Variants in ABTB3 observed in about 807,000 individuals in gnomAD.
ABTB3 encodes the protein ankyrin repeat and BTB domain containing 3, also known as ankyrin repeat- and BTB/POZ domain-containing protein 3.
At chr12:107,586,359 A>G in the ABTB3 span, among the ~76,000 whole-genome samples, 14 of 152,122 alleles carry the variant, frequency 9.2e-5, no homozygotes, top group Non-Finnish European at 1.3e-4. Context: ...ACCTGGGCCC[A>G]GCGTGTGGCT....
At chr12:107,511,243 A>T in the ABTB3 span, among the ~76,000 whole-genome samples, 496 of 152,364 alleles carry the variant, frequency 3.3e-3, 1 homozygote, top group South Asian at 0.02. Context: ...AGTGAAAAGC[A>T]TTTTAAGACA....
At chr12:107,527,205 ATTTG>A in the ABTB3 span, among the ~76,000 whole-genome samples, 4 of 151,338 alleles carry the variant, frequency 2.6e-5, no homozygotes, top group Admixed American at 6.6e-5. Flanking sequence ...CATGCTATAT[ATTTG>A]TTTATTTTCT....
At chr12:107,359,590 C>T in the ABTB3 span, among the ~76,000 whole-genome samples, 3 of 152,120 alleles carry the variant, frequency 2.0e-5, no homozygotes, top group Non-Finnish European at 4.4e-5. Context: ...TGTCACCAGG[C>T]AGCCCGAGTG....
the ABTB3 span, among the ~76,000 whole-genome samples, chr12:107,545,336 G>A: frequency 4.6e-4 from 70 of 151,778 alleles, no homozygotes; most frequent in Non-Finnish European, 2.1e-4. Context: ...TCTGCCTCCC[G>A]GCTCAAGCGA....
At chr12:107,533,207 A>G in the ABTB3 span, among the ~76,000 whole-genome samples, 2 of 152,234 alleles carry the variant, frequency 1.3e-5, no homozygotes, top group African/African-American at 4.8e-5. Flanking sequence ...TATATACAAT[A>G]TTATATACAA....
chr12:107,364,486 T>C, the ABTB3 span, among the ~76,000 whole-genome samples: 1 of 152,036 alleles, frequency 6.6e-6, no homozygotes, highest in African/African-American at 2.4e-5. Context: ...ACATGGGCTT[T>C]CACCATATTG....
the ABTB3 span, among the ~76,000 whole-genome samples, chr12:107,397,875 G>A: frequency 2.6e-5 from 4 of 152,044 alleles, no homozygotes; most frequent in Admixed American, 6.6e-5. Context: ...TCGTTTCCAC[G>A]GTGTCTTGTA....
the ABTB3 span, chr12:107,610,088 A>G: frequency 1.4e-6 from 2 of 1,397,460 alleles, no homozygotes; most frequent in South Asian, 1.3e-5. Flanking sequence ...GGCAATTTAC[A>G]TGAAAAGCAA....
the ABTB3 span, among the ~76,000 whole-genome samples, chr12:107,598,653 G>C: frequency 6.6e-6 from 1 of 152,232 alleles, no homozygotes; most frequent in African/African-American, 2.4e-5. Context: ...TGTTGGGATA[G>C]AGTAAGGGAG....
At chr12:107,341,349 G>A in the ABTB3 span, among the ~76,000 whole-genome samples, 2 of 152,188 alleles carry the variant, frequency 1.3e-5, no homozygotes, top group Non-Finnish European at 2.9e-5. Flanking sequence ...TGGCAGGGGA[G>A]TCTAGCAGTG....
chr12:107,602,993 CAGATTTT>C, the ABTB3 span, among the ~76,000 whole-genome samples: 2 of 152,202 alleles, frequency 1.3e-5, no homozygotes, highest in Admixed American at 1.3e-4. Flanking sequence ...TTAAATTGAT[CAGATTTT>C]TTACTGCATC....
chr12:107,466,983 CTGG>C, the ABTB3 span, among the ~76,000 whole-genome samples: 16 of 152,310 alleles, frequency 1.1e-4, no homozygotes, highest in East Asian at 2.9e-3. Flanking sequence ...TGAAACACCT[CTGG>C]CCCCAAGGGC....
the ABTB3 span, among the ~76,000 whole-genome samples, chr12:107,622,348 T>G: frequency 6.6e-6 from 1 of 152,136 alleles, no homozygotes; most frequent in South Asian, 2.1e-4. Flanking sequence ...AGGGAGATGA[T>G]GACAGAGAAA....
At chr12:107,614,353 G>A in the ABTB3 span, among the ~76,000 whole-genome samples, 1 of 152,176 alleles carries the variant, frequency 6.6e-6, no homozygotes. Context: ...GAGGGTCCTT[G>A]TCAACCAGGA....
At chr12:107,592,836 C>T in the ABTB3 span, among the ~76,000 whole-genome samples, 1 of 152,080 alleles carries the variant, frequency 6.6e-6, no homozygotes, top group African/African-American at 2.4e-5. Context: ...GTTTGTAAGC[C>T]TTTATTATTT....
the ABTB3 span, among the ~76,000 whole-genome samples, chr12:107,405,083 T>A: frequency 7.0e-4 from 106 of 152,248 alleles, no homozygotes; most frequent in African/African-American, 2.2e-3. Flanking sequence ...GGTGAGTAGA[T>A]CTTAGGGTGA....
At chr12:107,434,131 G>T in the ABTB3 span, among the ~76,000 whole-genome samples, 1 of 152,234 alleles carries the variant, frequency 6.6e-6, no homozygotes, top group Non-Finnish European at 1.5e-5. Context: ...ACCACCATGG[G>T]TGACTGAAGC....
the ABTB3 span, among the ~76,000 whole-genome samples, chr12:107,432,307 T>C: frequency 5.9e-5 from 9 of 152,076 alleles, no homozygotes; most frequent in Non-Finnish European, 1.3e-4. Context: ...AAGAGGGAAA[T>C]GGATTATGAG....
the ABTB3 span, among the ~76,000 whole-genome samples, chr12:107,409,877 G>A: frequency 4.6e-5 from 7 of 151,964 alleles, no homozygotes; most frequent in Admixed American, 2.0e-4. Context: ...AAAAAGACAG[G>A]AAGCACACTA....
Sources: allele counts gnomAD v4.1 joint callset (sites outside exome capture counted in the v4.1 genomes callset), GRCh38; gene constraint gnomAD v4.1.1; transcripts MANE v1.5; gene names NCBI Gene and HGNC (gene_info 2026-07-23, HGNC 2026-07-21).